The following SIPA1L3 variants were observed in gnomAD, a reference collection of about 807,000 sequenced individuals.
SIPA1L3 encodes signal-induced proliferation-associated 1-like protein 3.
In SIPA1L3, 59 loss-of-function variants were observed where a neutral mutation model predicts 150.1. The observed-to-expected ratio is 0.39, with a 90% CI of 0.32 to 0.49. The LOEUF (loss-of-function observed/expected upper bound fraction) is 0.49. SIPA1L3 is among the 20% of genes least tolerant of loss of function. SIPA1L3 has a pLI of 0.86. For missense variants in SIPA1L3, 2,211 were observed against 2,489.5 expected (o/e 0.89, Z 2.38); for synonymous variants, 1,070 against 1,077.6 (o/e 0.99, Z 0.14).
chr19:38,201,803 T>A (rs1311273865), intron 19 of SIPA1L3, 59 bp from the exon 20 acceptor site: 1 of 1,537,904 alleles, frequency 6.5e-7, no homozygotes, highest in East Asian at 2.3e-5. Context: ...GTGGTCCGTC[T>A]GTTGCGGGAG....
intron 4 of SIPA1L3, among the ~76,000 whole-genome samples, chr19:38,098,485 C>T (rs1440463203): frequency 6.6e-6 from 1 of 151,372 alleles, no homozygotes; most frequent in East Asian, 1.9e-4. Flanking sequence ...ACCTCCGCCT[C>T]CCAGGTTCAA....
chr19:38,152,338 G>T (rs1600141137), intron 12 of SIPA1L3, among the ~76,000 whole-genome samples: 2 of 152,334 alleles, frequency 1.3e-5, no homozygotes, highest in Admixed American at 6.5e-5. Flanking sequence ...TGTGGGCTAG[G>T]AAGTGGCTGC....
intron 3 of SIPA1L3, among the ~76,000 whole-genome samples, chr19:38,088,513 G>A (rs2145836877): frequency 6.6e-6 from 1 of 152,350 alleles, no homozygotes; most frequent in Non-Finnish European, 1.5e-5. Flanking sequence ...AAAGTTCTGT[G>A]GCTTGGCAGG....
rs1257943790 is a variant in SIPA1L3 at position 38,047,445 on chromosome 19, C to A, written c.-311+18289C>A. Among the ~76,000 whole-genome samples, 1 of 152,106 alleles carries A rather than the reference C, an allele frequency of 6.6e-6. No individual in the cohort carries two copies. The highest frequency in any genetic ancestry group is 2.4e-5 in the African/African-American group (1 of 41,384). On this transcript the variant is annotated intron_variant, in intron 2 of 21. Coordinates refer to ENST00000222345, the MANE Select transcript of SIPA1L3 (RefSeq NM_015073.3). The surrounding 1 kb of genome is among the most constrained non-coding windows in gnomAD (Gnocchi z 4.7). ...CATATCCCCAGCATCTAGAACAGGA[C>A]CTGGCCCGAAAGAGCTGCTCAGTAA...
At chr19:38,059,025 C>CAAAAAAAA (rs74176410) in intron 2 of SIPA1L3, among the ~76,000 whole-genome samples, 1 of 90,848 alleles carries the variant, frequency 1.1e-5, no homozygotes, top group Non-Finnish European at 2.2e-5. Flanking sequence ...AACTCTGTCT[C>CAAAAAAAA]AAAAAAAAAA....
chr19:38,063,736 T>A (rs1244677786), intron 2 of SIPA1L3, among the ~76,000 whole-genome samples: 1 of 152,152 alleles, frequency 6.6e-6, no homozygotes, highest in Non-Finnish European at 1.5e-5. Flanking sequence ...GGCTGGGTCA[T>A]AGCAGCCCCT....
chr19:38,096,122 C>T (rs1189177943), intron 4 of SIPA1L3, among the ~76,000 whole-genome samples: 2 of 152,278 alleles, frequency 1.3e-5, no homozygotes, highest in South Asian at 2.1e-4. Flanking sequence ...TGCCTCTCGC[C>T]CAGGTGCTCT....
chr19:38,202,879 C>T (rs774070319), intron 20 of SIPA1L3, among the ~76,000 whole-genome samples: 11 of 152,184 alleles, frequency 7.2e-5, no homozygotes, highest in Non-Finnish European at 1.3e-4. Flanking sequence ...TCACATTTGT[C>T]ATCTCACGCG....
intron 5 of SIPA1L3, among the ~76,000 whole-genome samples, chr19:38,100,387 C>T (rs1429791540): frequency 6.6e-6 from 1 of 152,134 alleles, no homozygotes; most frequent in Admixed American, 6.6e-5. Context: ...TGCTAGGTCC[C>T]CATGTGTGCA....
chr19:38,094,028 G>A (rs1970323222), intron 4 of SIPA1L3, among the ~76,000 whole-genome samples: 1 of 152,210 alleles, frequency 6.6e-6, no homozygotes, highest in African/African-American at 2.4e-5. Flanking sequence ...CCTAGAACAC[G>A]TGATTTTTGA....
At position 38,206,363 on chromosome 19, in the gene SIPA1L3, G is replaced by A. The variant is rs1973213750; in HGVS notation, c.*123G>A. 1 of 1,214,050 alleles carries A rather than the reference G, an allele frequency of 8.2e-7. No individual in the cohort carries two copies. The highest frequency in any genetic ancestry group is 1.6e-5 in the South Asian group (1 of 62,034). The allele number at this position is 1,214,050 out of a possible 1,614,324, so 75.2% of individuals were successfully genotyped here. ...ATGACCCATCCAGGGCCCTCCCCATGGACACGGAAACTCCGATGGCCTCAC... is the reference window on the plus strand; with the variant it reads ...ATGACCCATCCAGGGCCCTCCCCATAGACACGGAAACTCCGATGGCCTCAC... On this transcript the variant is annotated 3_prime_UTR_variant, in exon 22 of 22. Transcript: ENST00000222345.
rs3745945 is a variant in SIPA1L3 at position 38,182,658 on chromosome 19, C to G, written c.4348C>G (p.Pro1450Ala). The G allele has an allele frequency of 0.071, 114,214 of 1,613,934 alleles. 4,574 individuals carry two copies. Among genetic ancestry groups the G allele is most frequent in the Middle Eastern group, 0.16 (942 of 6,062 alleles). The change falls in exon 16 of 22, where the codon CCT becomes GCT. Residue 1450 changes from proline to alanine, a missense_variant. Pro to Ala is a conservative substitution (Grantham distance 27). This residue lies in a region of SIPA1L3 where 806 missense variants were observed against 870.1 expected (regional missense o/e 0.93). Coordinates refer to ENST00000222345, the MANE Select transcript of SIPA1L3 (RefSeq NM_015073.3). ...CCCCAAGTCCTTCTTCTCCAAGCAGCCTGTACGCAATAAGCACCCAACAGG... is the reference window on the plus strand; with the variant it reads ...CCCCAAGTCCTTCTTCTCCAAGCAGGCTGTACGCAATAAGCACCCAACAGG... ...SVPKSFFSKQ[P>A]VRNKHPTGWK...
rs1970966206 is a variant in SIPA1L3, at chr19:38,119,465, C to A, written c.2451C>A (p.Ala817=). ...AHKSDKFHTM[A]TRTRQEYLKD... is the part of the protein sequence containing the mutation. ...AGTCCGACAAGTTCCACACCATGGC[C>A]ACCAGGACCCGCCAGGAGTATCTCA... is the stretch of plus-strand genomic sequence containing the variant. Residue 817 remains alanine, a synonymous_variant, in exon 9 of 22, where the codon GCC becomes GCA. Transcript: ENST00000222345. The A allele has an allele frequency of 6.2e-7, 1 of 1,614,046 alleles. No individual in the cohort carries two copies. The highest frequency in any genetic ancestry group is 1.7e-5 in the Admixed American group (1 of 60,000).
chr19:38,197,347 G>A (rs1418430161), intron 18 of SIPA1L3, among the ~76,000 whole-genome samples: 4 of 152,092 alleles, frequency 2.6e-5, no homozygotes, highest in Non-Finnish European at 5.9e-5. Flanking sequence ...GCCAGAGCCC[G>A]AGCCTGGTGC....
intron 9 of SIPA1L3, among the ~76,000 whole-genome samples, chr19:38,127,682 A>G (rs1398823416): frequency 6.6e-6 from 1 of 151,622 alleles, no homozygotes; most frequent in Non-Finnish European, 1.5e-5. Context: ...TATTTTTAGT[A>G]GAGATGAAGT....
chr19:37,947,066 C>T (rs2046718265), intron 1 of SIPA1L3, among the ~76,000 whole-genome samples: 1 of 152,140 alleles, frequency 6.6e-6, no homozygotes, highest in Admixed American at 6.5e-5. Flanking sequence ...TGGTGGCGCA[C>T]ACCTGTGGTC....
At chr19:38,194,182 T>G (rs2146049311) in intron 18 of SIPA1L3, among the ~76,000 whole-genome samples, 1 of 148,398 alleles carries the variant, frequency 6.7e-6, no homozygotes, top group South Asian at 2.2e-4. Context: ...TCCTGACTGC[T>G]CCCATGTTTG....
At chr19:38,089,820 A>G (rs1413010124) in intron 4 of SIPA1L3, among the ~76,000 whole-genome samples, 1 of 152,224 alleles carries the variant, frequency 6.6e-6, no homozygotes, top group Non-Finnish European at 1.5e-5. Flanking sequence ...TCATTGGTTC[A>G]TGTAACTGCA....
At chr19:38,135,042 G>C (rs1261038418) in intron 10 of SIPA1L3, among the ~76,000 whole-genome samples, 1 of 152,204 alleles carries the variant, frequency 6.6e-6, no homozygotes, top group African/African-American at 2.4e-5. Context: ...CCGAGGCCCA[G>C]AGTGAACAAG....
Sources: gnomAD v4.1 joint callset for allele counts (sites outside exome capture counted in the v4.1 genomes callset) on GRCh38, gnomAD v4.1.1 for gene constraint, gnomAD v4.1.1 regional missense constraint, Gnocchi (gnomAD v3.1) non-coding constraint, MANE v1.5 for transcripts, NCBI Gene and HGNC (gene_info 2026-07-23, HGNC 2026-07-21) for gene names.